The following ARHGAP39 variants were observed in gnomAD, a reference collection of about 807,000 sequenced individuals.
ARHGAP39 encodes rho GTPase-activating protein 39.
In ARHGAP39, 44 loss-of-function variants were observed where a neutral mutation model predicts 106.9. The ratio of observed to expected loss-of-function variants is 0.41; its 90% CI spans 0.32 to 0.53. ARHGAP39 has a LOEUF of 0.53. Ranked by LOEUF, ARHGAP39 falls within the 20% of genes least tolerant of loss-of-function variation. The pLI, the probability that ARHGAP39 is intolerant of heterozygous loss-of-function variation, is 0.21. For missense variants in ARHGAP39, 1,496 were observed against 1,577.3 expected (o/e 0.95, Z 0.87); for synonymous variants, 768 against 693.2 (o/e 1.11, Z -1.69).
At chr8:144,561,834 T>C (rs973691539) in intron 3 of ARHGAP39, among the ~76,000 whole-genome samples, 1 of 147,748 alleles carries the variant, frequency 6.8e-6, no homozygotes, top group Non-Finnish European at 1.5e-5. Flanking sequence ...GTGGTTTCCA[T>C]CGGGCTCCAG....
At chr8:144,675,008 T>G (rs1822195772) in intron 1 of ARHGAP39, among the ~76,000 whole-genome samples, 1 of 152,032 alleles carries the variant, frequency 6.6e-6, no homozygotes, top group Non-Finnish European at 1.5e-5. Context: ...CAGGGATGTC[T>G]GGGTCCATAG....
chr8:144,531,267 G>A lies in ARHGAP39; in HGVS notation c.2981-396C>T, dbSNP rs1213522359. Among the ~76,000 whole-genome samples, 12 of 73,740 alleles carry A rather than the reference G, an allele frequency of 1.6e-4. 1 individual carries two copies. The highest frequency in any genetic ancestry group is 6.2e-4 in the African/African-American group (12 of 19,426). 48.4% of individuals were successfully genotyped at this position (73,740 alleles called of 152,430 possible). ...CAGGGCAGCGAGCAGCAGGTGGGGA[G>A]TGGGCTAGACATAGCAGGCACGGCA... On this transcript the variant is annotated intron_variant, in intron 10 of 11. Coordinates refer to ENST00000377307, the MANE Select transcript of ARHGAP39 (RefSeq NM_025251.3).
chr8:144,548,318 G>A lies in ARHGAP39; in HGVS notation c.768C>T (p.Thr256=). 6.2e-7 allele frequency: 1 copy of A among 1,608,772 alleles called. No homozygotes were observed. The highest frequency in any genetic ancestry group is 8.5e-7 in the Non-Finnish European group (1 of 1,177,168). The change falls in exon 5 of 12, where the codon ACC becomes ACT. Residue 256 remains threonine (T), a synonymous_variant. Coordinates refer to ENST00000377307, the MANE Select transcript of ARHGAP39 (RefSeq NM_025251.3). This position sits in a 1 kb window ranked among gnomAD's most constrained non-coding sequence, Gnocchi z 7.4. ...TGGTGCCGTCAGCCTCCGGGGCGAA[G>A]GTCTGCAGGCTGGGTGAGTGCTGGC... ...SGSQHSPSLQ[T]FAPEADGTIF...
At chr8:144,598,304 T>C (rs1212458899) in intron 2 of ARHGAP39, among the ~76,000 whole-genome samples, 1 of 151,418 alleles carries the variant, frequency 6.6e-6, no homozygotes, top group East Asian at 1.9e-4. Context: ...AGCCGTGGGC[T>C]TTTCCACGTT....
At position 144,547,510 on chromosome 8, in the gene ARHGAP39, G is replaced by C. The variant is rs1379354113; in HGVS notation, c.1576C>G (p.Gln526Glu). The C allele has an allele frequency of 5.3e-6, 8 of 1,496,804 alleles. No individual in the cohort carries two copies. Among genetic ancestry groups the C allele is most frequent in the Non-Finnish European group, 7.1e-6 (8 of 1,126,892 alleles). The allele number at this position is 1,496,804 out of a possible 1,614,324, so 92.7% of individuals were successfully genotyped here. ...LLVEQPLAEEQPPCGTSLAPV... is the reference protein window; with the variant it reads ...LLVEQPLAEEEPPCGTSLAPV... ...GCGAGGCTGGTCCCGCACGGGGGCT[G>C]TTCCTCGGCCAGGGGCTGCTCCACA... The change falls in exon 5 of 12, where the codon CAG (glutamine) becomes GAG (glutamate). Residue 526 changes from glutamine (Q) to glutamate (E), a missense_variant. By Grantham distance (29) the Gln-to-Glu change is conservative (BLOSUM62 2). This residue lies in a region of ARHGAP39 where 905 missense variants were observed against 816.4 expected (regional missense o/e 1.11). Transcript: ENST00000377307. The surrounding 1 kb of genome is among the most constrained non-coding windows in gnomAD (Gnocchi z 5.2).
At chr8:144,581,362 C>T in intron 2 of ARHGAP39, 85 bp from the exon 3 acceptor site, 1 of 1,371,266 alleles carries the variant, frequency 7.3e-7, no homozygotes, top group Non-Finnish European at 9.8e-7. Flanking sequence ...GCTCCAGCCC[C>T]AGCTGCGAAA....
At chr8:144,680,668 A>C (rs964825103) in intron 1 of ARHGAP39, among the ~76,000 whole-genome samples, 1 of 152,258 alleles carries the variant, frequency 6.6e-6, no homozygotes, top group Non-Finnish European at 1.5e-5. Flanking sequence ...TTGAAAAAAA[A>C]ATTATTAATG....
intron 1 of ARHGAP39, among the ~76,000 whole-genome samples, chr8:144,616,230 A>G (rs1820632551): frequency 6.6e-6 from 1 of 152,252 alleles, no homozygotes; most frequent in Non-Finnish European, 1.5e-5. Flanking sequence ...TTTAGGACGC[A>G]TGGACCTGCC....
At chr8:144,620,785 C>T (rs1319462274) in intron 1 of ARHGAP39, among the ~76,000 whole-genome samples, 1 of 152,258 alleles carries the variant, frequency 6.6e-6, no homozygotes, top group Non-Finnish European at 1.5e-5. Context: ...AGGACAGGCG[C>T]CTACGTGTGA....
chr8:144,542,385 G>A (rs1285118720), intron 6 of ARHGAP39, among the ~76,000 whole-genome samples: 2 of 149,090 alleles, frequency 1.3e-5, no homozygotes, highest in East Asian at 1.9e-4. Flanking sequence ...GGTGCTGGCC[G>A]ATGAGTCAAA....
chr8:144,546,176 C>T (rs927876880), intron 5 of ARHGAP39, among the ~76,000 whole-genome samples: 10 of 152,174 alleles, frequency 6.6e-5, no homozygotes, highest in African/African-American at 1.7e-4. Flanking sequence ...TGTTCAGGCA[C>T]GGAAGGCTGC....
At chr8:144,688,044 CTG>C (rs1822668697), upstream of ARHGAP39, among the ~76,000 whole-genome samples, 2 of 152,250 alleles carry the variant, frequency 1.3e-5, no homozygotes, top group African/African-American at 2.4e-5. Context: ...ATTTCCCACC[CTG>C]GTGACCACAC....
intron 1 of ARHGAP39, among the ~76,000 whole-genome samples, chr8:144,662,819 TC>T (rs1455826649): frequency 6.3e-5 from 2 of 31,858 alleles, no homozygotes; most frequent in Non-Finnish European, 1.2e-4. Context: ...ACTCCCCCCA[TC>T]CCCATTAGCC....
At chr8:144,638,160 A>G (rs1258210518) in intron 1 of ARHGAP39, among the ~76,000 whole-genome samples, 1 of 152,192 alleles carries the variant, frequency 6.6e-6, no homozygotes, top group African/African-American at 2.4e-5. Context: ...CCTTCTCTCA[A>G]TATTGAAGAT....
chr8:144,602,880 GGT>G lies in ARHGAP39; in HGVS notation c.80+2653_80+2654del, dbSNP rs199882535. Among the ~76,000 whole-genome samples the G allele has an allele frequency of 6.7e-4, 91 of 135,870 alleles. 1 individual carries two copies. Among genetic ancestry groups the G allele is most frequent in the Non-Finnish European group, 9.7e-4 (62 of 64,194 alleles). The allele number at this position is 135,870 out of a possible 152,430, so 89.1% of individuals were successfully genotyped here. ...CTCGTGTACCTGTGTGCATGTGTGT[GGT>G]GTGTGTGAGAGCTCATGTACCTGTG... On this transcript the variant is annotated intron_variant, in intron 2 of 11. Coordinates refer to ENST00000377307, the MANE Select transcript of ARHGAP39 (RefSeq NM_025251.3).
At chr8:144,628,254 C>T (rs1299969491) in intron 1 of ARHGAP39, among the ~76,000 whole-genome samples, 25 of 152,098 alleles carry the variant, frequency 1.6e-4, no homozygotes, top group Non-Finnish European at 3.7e-4. Context: ...CGCTGCTCTC[C>T]CCAGCCCTTT....
intron 2 of ARHGAP39, among the ~76,000 whole-genome samples, chr8:144,594,006 T>C (rs1819503382): frequency 6.6e-6 from 1 of 150,964 alleles, no homozygotes; most frequent in Non-Finnish European, 1.5e-5. Flanking sequence ...GGAGAATTGC[T>C]TGAACCCGGG....
At chr8:144,683,328 AAAAAT>A (rs954310035) in intron 1 of ARHGAP39, 4 of 150,830 alleles carry the variant, frequency 2.7e-5, no homozygotes, top group South Asian at 2.1e-4. Flanking sequence ...AATTAAAAAT[AAAAAT>A]AAAATAAAAT....
intron 3 of ARHGAP39, among the ~76,000 whole-genome samples, chr8:144,580,360 C>A (rs1275564433): frequency 2.0e-5 from 3 of 152,216 alleles, no homozygotes; most frequent in Non-Finnish European, 4.4e-5. Flanking sequence ...GCTGGGCGAG[C>A]CCCTCAGACA....
Sources: gnomAD v4.1 joint callset for allele counts (sites outside exome capture counted in the v4.1 genomes callset) on GRCh38, gnomAD v4.1.1 for gene constraint, gnomAD v4.1.1 regional missense constraint, Gnocchi (gnomAD v3.1) non-coding constraint, MANE v1.5 for transcripts, NCBI Gene and HGNC (gene_info 2026-07-23, HGNC 2026-07-21) for gene names.